Variants in GXYLT2 observed in about 807,000 individuals in gnomAD.
The protein encoded by GXYLT2 is glucoside xylosyltransferase 2.
A neutral mutation model predicts 45.8 loss-of-function variants in GXYLT2; 53 were observed. That is an observed-to-expected ratio of 1.16 (90% CI 0.93 to 1.46). The LOEUF (loss-of-function observed/expected upper bound fraction) is 1.46. Among genes scored for constraint, GXYLT2 ranks in the 40% most tolerant of loss-of-function variants. The pLI, the probability that GXYLT2 is intolerant of heterozygous loss-of-function variation, is 0.00. For synonymous variants in GXYLT2, 219 were observed against 214.2 expected (o/e 1.02, Z -0.19); for missense variants, 551 against 544.4 (o/e 1.01, Z -0.12).
chr3:72,943,116 A>G (rs1710329722), intron 3 of GXYLT2, among the ~76,000 whole-genome samples: 1 of 152,212 alleles, frequency 6.6e-6, no homozygotes, highest in Non-Finnish European at 1.5e-5. Context: ...AGCAGCTTTG[A>G]CAACACATTT....
intron 5 of GXYLT2, among the ~76,000 whole-genome samples, chr3:72,965,068 A>G (rs531600120): frequency 6.6e-6 from 1 of 152,362 alleles, no homozygotes; most frequent in Admixed American, 6.5e-5. Flanking sequence ...GAGGATGGCC[A>G]CTACTCCATC....
intron 3 of GXYLT2, among the ~76,000 whole-genome samples, chr3:72,923,426 T>C (rs1709865984): frequency 6.6e-6 from 1 of 151,650 alleles, no homozygotes; most frequent in South Asian, 2.1e-4. Context: ...AAAAAGTAAA[T>C]AAAGAAATAA....
At chr3:72,961,475 A>C (rs1347685675) in intron 5 of GXYLT2, among the ~76,000 whole-genome samples, 1 of 152,044 alleles carries the variant, frequency 6.6e-6, no homozygotes, top group Non-Finnish European at 1.5e-5. Context: ...TTCATCTCTC[A>C]GAGGCCTCAT....
intron 1 of GXYLT2, among the ~76,000 whole-genome samples, chr3:72,894,515 G>C (rs1055879372): frequency 3.9e-5 from 6 of 152,212 alleles, no homozygotes; most frequent in African/African-American, 1.4e-4. Flanking sequence ...ATTGGGATCA[G>C]AGACTATATG....
intron 5 of GXYLT2, among the ~76,000 whole-genome samples, chr3:72,962,275 T>C (rs574305802): frequency 6.6e-6 from 1 of 152,340 alleles, no homozygotes; most frequent in African/African-American, 2.4e-5. Context: ...AGGAAGTTCA[T>C]GAGCCCTGAT....
intron 3 of GXYLT2, among the ~76,000 whole-genome samples, chr3:72,945,387 C>T (rs1710385001): frequency 6.6e-6 from 1 of 152,210 alleles, no homozygotes; most frequent in Non-Finnish European, 1.5e-5. Context: ...GGATGCCTAG[C>T]ATATATTATG....
intron 6 of GXYLT2, among the ~76,000 whole-genome samples, chr3:72,971,076 G>A (rs1194074455): frequency 1.3e-5 from 2 of 152,142 alleles, no homozygotes; most frequent in Non-Finnish European, 2.9e-5. Context: ...AGTACGAGCA[G>A]AAGTTAAATA....
intron 3 of GXYLT2, among the ~76,000 whole-genome samples, chr3:72,925,356 A>G (rs1367060794): frequency 6.6e-6 from 1 of 151,950 alleles, no homozygotes; most frequent in Non-Finnish European, 1.5e-5. Flanking sequence ...GGGTTTCACC[A>G]TGTTGGTCAG....
intron 2 of GXYLT2, among the ~76,000 whole-genome samples, chr3:72,912,553 C>T (rs1262546966): frequency 6.6e-6 from 1 of 152,142 alleles, no homozygotes; most frequent in African/African-American, 2.4e-5. Flanking sequence ...CATATACATA[C>T]ACAAACATAT....
At chr3:72,903,017 A>G (rs1709437076) in intron 1 of GXYLT2, among the ~76,000 whole-genome samples, 2 of 152,196 alleles carry the variant, frequency 1.3e-5, no homozygotes, top group South Asian at 4.1e-4. Flanking sequence ...GTCTCAAAAA[A>G]CAAAACAAAA....
Position 72,919,270 on chromosome 3 carries a change from A to G in GXYLT2, c.469-2934A>G, listed in dbSNP as rs532356366. ...TAGGTGAATGGATAAACAAACTGTG[A>G]TATATTCATACCATAGCATACAGTA... On this transcript the variant is annotated intron_variant, in intron 2 of 6. Coordinates refer to ENST00000389617, the MANE Select transcript of GXYLT2 (RefSeq NM_001080393.2). 2.0e-5 allele frequency among the ~76,000 whole-genome samples: 3 copies of G among 152,320 alleles called. No homozygotes were observed. The South Asian group carries it at 6.2e-4, about 32-fold the overall frequency.
At chr3:72,969,128 A>G (rs905462774) in intron 6 of GXYLT2, among the ~76,000 whole-genome samples, 40 of 152,034 alleles carry the variant, frequency 2.6e-4, no homozygotes, top group African/African-American at 9.7e-4. Flanking sequence ...ATGGGAAAAG[A>G]GAGGAGAAAA....
At chr3:72,947,515 G>A (rs773713449) in intron 3 of GXYLT2, among the ~76,000 whole-genome samples, 12 of 152,104 alleles carry the variant, frequency 7.9e-5, no homozygotes, top group Non-Finnish European at 1.8e-4. Context: ...GAAATGCAGT[G>A]AAGACCGGGC....
intron 3 of GXYLT2, among the ~76,000 whole-genome samples, chr3:72,947,693 C>G (rs1283028798): frequency 6.6e-6 from 1 of 152,146 alleles, no homozygotes; most frequent in East Asian, 1.9e-4. Flanking sequence ...CCCAGCTACT[C>G]AGGAAGCTGA....
chr3:72,912,097 G>A (rs1195278497), intron 2 of GXYLT2, among the ~76,000 whole-genome samples: 4 of 147,676 alleles, frequency 2.7e-5, no homozygotes, highest in African/African-American at 1.0e-4. Flanking sequence ...AGCATTCTCC[G>A]CCTCCTGGAT....
At chr3:72,967,282 G>C (rs1209437858) in intron 5 of GXYLT2, among the ~76,000 whole-genome samples, 1 of 152,138 alleles carries the variant, frequency 6.6e-6, no homozygotes, top group Non-Finnish European at 1.5e-5. Context: ...AGGCTGCCTC[G>C]TGCCTGTGTT....
intron 6 of GXYLT2, among the ~76,000 whole-genome samples, chr3:72,968,223 C>T (rs1710906463): frequency 6.6e-6 from 1 of 152,182 alleles, no homozygotes; most frequent in Admixed American, 6.5e-5. Flanking sequence ...ATCCACTTGC[C>T]TTAGCCTCCC....
At chr3:72,931,134 A>G (rs533061352) in intron 3 of GXYLT2, among the ~76,000 whole-genome samples, 2 of 152,362 alleles carry the variant, frequency 1.3e-5, no homozygotes, top group South Asian at 4.1e-4. Flanking sequence ...CTCTGACCAC[A>G]GTGGAATGGA....
chr3:72,889,890 CT>C (rs1709146301), intron 1 of GXYLT2, among the ~76,000 whole-genome samples: 3 of 139,904 alleles, frequency 2.1e-5, no homozygotes, highest in Admixed American at 7.1e-5. Context: ...CGCTGTTTTT[CT>C]TTTGGTTTTT....
Sources: allele counts gnomAD v4.1 joint callset (sites outside exome capture counted in the v4.1 genomes callset), GRCh38; gene constraint gnomAD v4.1.1; transcripts MANE v1.5; gene names NCBI Gene and HGNC (gene_info 2026-07-23, HGNC 2026-07-21).